Variants in DNMT3A observed in about 807,000 individuals in gnomAD.
DNMT3A encodes the protein DNA (cytosine-5)-methyltransferase 3A.
In DNMT3A, 267 loss-of-function variants were observed where a neutral mutation model predicts 117.6. The ratio of observed to expected loss-of-function variants is 2.27; its 90% CI spans 2.05 to 2.51. DNMT3A has a LOEUF of 2.51. DNMT3A is among the 30% of genes most tolerant of loss of function. DNMT3A has a pLI of 0.00. For missense variants in DNMT3A, 1,029 were observed against 1,260.2 expected (o/e 0.82, Z 2.78); for synonymous variants, 432 against 474.8 (o/e 0.91, Z 1.17).
intron 1 of DNMT3A, among the ~76,000 whole-genome samples, chr2:25,324,963 C>T (rs559036608): frequency 1.2e-4 from 19 of 152,258 alleles, no homozygotes; most frequent in South Asian, 4.1e-4. Context: ...GCTTGTGGCT[C>T]TCACACCACT....
intron 3 of DNMT3A, among the ~76,000 whole-genome samples, chr2:25,290,829 C>T (rs1312993182): frequency 1.3e-5 from 2 of 152,056 alleles, no homozygotes; most frequent in Non-Finnish European, 1.5e-5. Context: ...ATGCCATTCT[C>T]CCTCCTCCCC....
rs755905546 is a variant in DNMT3A, at chr2:25,236,889, T to C, written c.2478+47A>G. The C allele has an allele frequency of 2.3e-5, 37 of 1,585,204 alleles. No homozygotes were observed. The highest frequency in any genetic ancestry group is 3.0e-5 in the Non-Finnish European group (35 of 1,164,440). ...GCCACCGCTCCACCTCATCCTGCCCTTCCTTCTCCCTGCCCCCCAGCAGAG... is the reference window on the plus strand; with the variant it reads ...GCCACCGCTCCACCTCATCCTGCCCCTCCTTCTCCCTGCCCCCCAGCAGAG... On this transcript the variant is annotated intron_variant, in intron 21 of 22. Transcript: ENST00000321117. The surrounding 1 kb of genome is among the most constrained non-coding windows in gnomAD (Gnocchi z 4.5).
chr2:25,275,425 C>T, intron 5 of DNMT3A, 75 bp downstream of exon 5: 1 of 1,531,324 alleles, frequency 6.5e-7, no homozygotes, highest in Non-Finnish European at 8.8e-7. Flanking sequence ...CCCTCCGCCC[C>T]CTCACACACA....
chr2:25,300,279 G>A, intron 2 of DNMT3A, 36 bp from the exon 3 acceptor site: 1 of 1,596,748 alleles, frequency 6.3e-7, no homozygotes, highest in South Asian at 1.1e-5. Flanking sequence ...GGCCAGAGGT[G>A]GATCCCAGCA....
rs1674715026 is a variant in DNMT3A, at chr2:25,246,074, G to A, written c.1430-10C>T. ...TCGTACACCAGCCGCTCTGCAAGGG[G>A]AGGAGAGCTGGCGTCAGAGGAGGCC... On this transcript the variant is annotated splice_polypyrimidine_tract_variant and intron_variant, in intron 11 of 22. Coordinates refer to ENST00000321117, the MANE Select transcript of DNMT3A (RefSeq NM_022552.5). 6.2e-7 allele frequency: 1 copy of A among 1,614,196 alleles called. No homozygotes were observed. Among genetic ancestry groups the A allele is most frequent in the South Asian group, 1.1e-5 (1 of 91,072 alleles).
At chr2:25,242,060 A>C (rs1573318587) in intron 16 of DNMT3A, 2 of 253,508 alleles carry the variant, frequency 7.9e-6, no homozygotes, top group South Asian at 5.5e-5. Flanking sequence ...CCCTCTTATC[A>C]CCTCCTGCTA....
chr2:25,313,906 T>C lies in DNMT3A; in HGVS notation c.72+7A>G. On this transcript the variant is annotated splice_region_variant and intron_variant, in intron 2 of 22. Transcript: ENST00000321117. Reference sequence around the variant, plus strand: ...CCAGAGGGTCCCCAGCAGAGCCCGCTGCTCACCTTTCGGTCCTCCTCCCGC... The same window carrying C: ...CCAGAGGGTCCCCAGCAGAGCCCGCCGCTCACCTTTCGGTCCTCCTCCCGC... The C allele has an allele frequency of 6.5e-7, 1 of 1,549,276 alleles. No homozygotes were observed. Among genetic ancestry groups the C allele is most frequent in the Non-Finnish European group, 8.7e-7 (1 of 1,146,864 alleles).
rs1182543816 is a variant in DNMT3A, at chr2:25,235,820, G to A, written c.2484C>T (p.Ser828=). The A allele has an allele frequency of 6.2e-7, 1 of 1,613,482 alleles. No homozygotes were observed. The highest frequency in any genetic ancestry group is 8.5e-7 in the Non-Finnish European group (1 of 1,179,588). The change falls in exon 22 of 23, where the codon AGC becomes AGT. Residue 828 remains serine, a synonymous_variant. Coordinates refer to ENST00000321117, the MANE Select transcript of DNMT3A (RefSeq NM_022552.5). ...CLEHGRIAKF[S]KVRTITTRSN... is the part of the protein sequence containing the mutation. ...ACCTCGTAGTAATGGTCCTCACTTTGCTGAACTAGATGAAGAGGAGAAAAG... is the reference window on the plus strand; with the variant it reads ...ACCTCGTAGTAATGGTCCTCACTTTACTGAACTAGATGAAGAGGAGAAAAG...
At position 25,231,809 on chromosome 2, in the gene DNMT3A, C is replaced by CT. The variant is rs1672895001; in HGVS notation, c.*2469dup. 1 of 152,208 alleles carries CT rather than the reference C, an allele frequency of 6.6e-6. No individual in the cohort carries two copies. Among genetic ancestry groups the CT allele is most frequent in the Non-Finnish European group, 1.5e-5 (1 of 68,062 alleles). 9.4% of individuals were successfully genotyped at this position (152,208 alleles called of 1,614,324 possible). A position where few individuals can be genotyped will look rare whatever the true frequency, so the allele number is the denominator to read the frequency against. The stretch of plus-strand genomic sequence containing the variant: ...AGCACCTGCTAAAAGAAACCTCCTC[C>CT]TTTTCCTGCCTCAGCACCTAGCAAC... On this transcript the variant is annotated 3_prime_UTR_variant, in exon 23 of 23. Coordinates refer to ENST00000321117, the MANE Select transcript of DNMT3A (RefSeq NM_022552.5).
At chr2:25,325,098 T>C (rs945302244) in intron 1 of DNMT3A, among the ~76,000 whole-genome samples, 14 of 151,968 alleles carry the variant, frequency 9.2e-5, no homozygotes, top group African/African-American at 3.4e-4. Context: ...CAGACTGCTT[T>C]GCTCACACTA....
At position 25,233,207 on chromosome 2, in the gene DNMT3A, C is replaced by T. The variant is rs553948306; in HGVS notation, c.*1072G>A. On this transcript the variant is annotated 3_prime_UTR_variant, in exon 23 of 23. Coordinates refer to ENST00000321117, the MANE Select transcript of DNMT3A (RefSeq NM_022552.5). ...AATCCCACTCTCAGCTGTCCACGGGCCCGACCACCTCATCTAGCCCCCTTT... is the reference window on the plus strand; with the variant it reads ...AATCCCACTCTCAGCTGTCCACGGGTCCGACCACCTCATCTAGCCCCCTTT... The T allele has an allele frequency of 1.6e-4, 38 of 233,694 alleles. No homozygotes were observed. Among genetic ancestry groups the T allele is most frequent in the African/African-American group, 7.5e-4 (34 of 45,428 alleles). 14.5% of individuals were successfully genotyped at this position (233,694 alleles called of 1,614,324 possible). A position where few individuals can be genotyped will look rare whatever the true frequency, so the allele number is the denominator to read the frequency against.
At chr2:25,269,581 G>C (rs1037609928) in intron 6 of DNMT3A, among the ~76,000 whole-genome samples, 4 of 152,136 alleles carry the variant, frequency 2.6e-5, no homozygotes, top group Non-Finnish European at 5.9e-5. Context: ...TGTGGAGGTC[G>C]AAGGGTTGAA....
At chr2:25,275,583 G>A (rs375571259) in intron 4 of DNMT3A, 40 bp from the exon 5 acceptor site, 284 of 1,547,640 alleles carry the variant, frequency 1.8e-4, no homozygotes, top group Non-Finnish European at 2.4e-4. Flanking sequence ...TTCGTTGGTC[G>A]GCAGAATTAC....
At chr2:25,284,845 T>C (rs1246943059) in intron 3 of DNMT3A, among the ~76,000 whole-genome samples, 3 of 152,070 alleles carry the variant, frequency 2.0e-5, no homozygotes, top group Non-Finnish European at 4.4e-5. Context: ...TTTATACATA[T>C]GTATTCATAT....
At position 25,232,692 on chromosome 2, in the gene DNMT3A, T is replaced by G. The variant is rs1186276356; in HGVS notation, c.*1587A>C. 6.0e-6 allele frequency: 1 copy of G among 166,656 alleles called. No individual in the cohort carries two copies. The highest frequency in any genetic ancestry group is 1.2e-4 in the East Asian group (1 of 8,360). 10.3% of individuals were successfully genotyped at this position (166,656 alleles called of 1,614,324 possible). A position where few individuals can be genotyped will look rare whatever the true frequency, so the allele number is the denominator to read the frequency against. ...CCAGGGCACCAGAGCCACCGCTAAC[T>G]CAGAAGCACCCTGCTCCCGCACCTT... On this transcript the variant is annotated 3_prime_UTR_variant, in exon 23 of 23. Coordinates refer to ENST00000321117, the MANE Select transcript of DNMT3A (RefSeq NM_022552.5). This position sits in a 1 kb window ranked among gnomAD's most constrained non-coding sequence, Gnocchi z 4.1.
At chr2:25,253,564 CACG>C (rs1270800627) in intron 6 of DNMT3A, among the ~76,000 whole-genome samples, 1 of 152,088 alleles carries the variant, frequency 6.6e-6, no homozygotes, top group Non-Finnish European at 1.5e-5. Context: ...CCTCCCAGTA[CACG>C]ACAGGGCAAG....
At position 25,233,598 on chromosome 2, in the gene DNMT3A, G is replaced by A. The variant is rs999246536; in HGVS notation, c.*681C>T. 2.1e-5 allele frequency: 5 copies of A among 232,878 alleles called. No homozygotes were observed. The highest frequency in any genetic ancestry group is 6.0e-5 in the East Asian group (1 of 16,656). The allele number at this position is 232,878 out of a possible 1,614,324, so 14.4% of individuals were successfully genotyped here. On this transcript the variant is annotated 3_prime_UTR_variant, in exon 23 of 23. Transcript: ENST00000321117. The stretch of plus-strand genomic sequence containing the variant: ...GAAAAATGTCTTGTGTGGTGTTCTC[G>A]TCTCCCTGCTGCTAACTGGGTTCTG...
rs767226511 is a variant in DNMT3A, at chr2:25,244,579, C to G, written c.1628G>C (p.Gly543Ala). The G allele has an allele frequency of 3.1e-6, 5 of 1,614,116 alleles. No individual in the cohort carries two copies. The highest frequency in any genetic ancestry group is 4.2e-6 in the Non-Finnish European group (5 of 1,179,966). The change falls in exon 14 of 23, where the codon GGC (glycine) becomes GCC (alanine). Residue 543 changes from glycine to alanine, a missense_variant. Transcript: ENST00000321117. ...GTTTCCGCACATGAGCACCTCACGG[C>G]CCCCACAGCAGATGGTGCAGTAGGA... ...YQSYCTICCG[G>A]REVLMCGNNN...
At position 25,257,293 on chromosome 2, in the gene DNMT3A, C is replaced by T. The variant is rs746773107; in HGVS notation, c.640-9041G>A. Among the ~76,000 whole-genome samples the T allele has an allele frequency of 4.6e-5, 7 of 152,204 alleles. No individual in the cohort carries two copies. Among genetic ancestry groups the T allele is most frequent in the Admixed American group, 1.3e-4 (2 of 15,286 alleles). On this transcript the variant is annotated intron_variant, in intron 6 of 22. Coordinates refer to ENST00000321117, the MANE Select transcript of DNMT3A (RefSeq NM_022552.5). This position sits in a 1 kb window ranked among gnomAD's most constrained non-coding sequence, Gnocchi z 4.8. Reference sequence around the variant, plus strand: ...GAGGGGTCCAAAGGCTCGCACCTAGCGGTGTTCTGCCTTCTGGCAGCTCCT... The same window carrying T: ...GAGGGGTCCAAAGGCTCGCACCTAGTGGTGTTCTGCCTTCTGGCAGCTCCT...
Sources: gnomAD v4.1 joint callset for allele counts (sites outside exome capture counted in the v4.1 genomes callset) on GRCh38, gnomAD v4.1.1 for gene constraint, Gnocchi (gnomAD v3.1) non-coding constraint, MANE v1.5 for transcripts, NCBI Gene and HGNC (gene_info 2026-07-23, HGNC 2026-07-21) for gene names.